CHTOP: variants seen among roughly 807,000 people sequenced by gnomAD.
CHTOP encodes the protein chromatin target of PRMT1 protein.
A neutral mutation model predicts 33.6 loss-of-function variants in CHTOP; 18 were observed. That is an observed-to-expected ratio of 0.54 (90% confidence interval 0.37 to 0.80). The LOEUF is 0.80. CHTOP is among the 30% of genes least tolerant of loss of function. The probability of loss-of-function intolerance (pLI) is 0.00; values close to 1 mark genes in which losing one functional copy is unlikely to be tolerated. For missense variants in CHTOP, 263 were observed against 336.8 expected (o/e 0.78, Z 1.71); for synonymous variants, 117 against 127.7 (o/e 0.92, Z 0.56).
intron 3 of CHTOP, among the ~76,000 whole-genome samples, chr1:153,641,234 G>A (rs534501717): frequency 3.3e-5 from 5 of 152,362 alleles, no homozygotes; most frequent in African/African-American, 7.2e-5. Context: ...AGTCACTTGT[G>A]GGTGAAGCCT....
intron 3 of CHTOP, among the ~76,000 whole-genome samples, chr1:153,640,647 T>G (rs542716896): frequency 6.6e-6 from 1 of 152,266 alleles, no homozygotes; most frequent in East Asian, 1.9e-4. Flanking sequence ...TGACAGCTCC[T>G]GTAATCCCAG....
intron 1 of CHTOP, among the ~76,000 whole-genome samples, chr1:153,634,670 C>T (rs1271954948): frequency 2.5e-5 from 1 of 39,950 alleles, no homozygotes; most frequent in Admixed American, 3.8e-4. Flanking sequence ...TTAATGGCGG[C>T]TTTAGGGTTA....
intron 1 of CHTOP, among the ~76,000 whole-genome samples, chr1:153,635,359 C>A (rs1370895522): frequency 6.8e-6 from 1 of 146,740 alleles, no homozygotes; most frequent in African/African-American, 2.5e-5. Context: ...ACCATGTTGC[C>A]CAGGCTGGTC....
chr1:153,634,527 C>CGGGATTGATGGAGGTTG (rs1668242728), intron 1 of CHTOP, 184 bp downstream of exon 1: 1 of 139,732 alleles, frequency 7.2e-6, no homozygotes, highest in Non-Finnish European at 1.6e-5. Flanking sequence ...AACCTGGTGG[C>CGGGATTGATGGAGGTTG]GGGATTGATG....
intron 2 of CHTOP, 45 bp from the exon 3 acceptor site, chr1:153,638,250 G>C (rs749430967): frequency 1.9e-6 from 3 of 1,601,528 alleles, no homozygotes; most frequent in Non-Finnish European, 2.6e-6. Context: ...ATAAATGTTT[G>C]TAATAAAGCT....
chr1:153,636,161 T>G (rs1309473650), intron 1 of CHTOP, among the ~76,000 whole-genome samples: 3 of 151,530 alleles, frequency 2.0e-5, no homozygotes, highest in Admixed American at 6.6e-5. Context: ...ACTCCTGGCT[T>G]CAAACCATCC....
At chr1:153,640,712 A>C (rs182404409) in intron 3 of CHTOP, among the ~76,000 whole-genome samples, 19 of 152,300 alleles carry the variant, frequency 1.2e-4, no homozygotes, top group Admixed American at 2.6e-4. Context: ...CGAAGGTTGC[A>C]GTGAGCCAAG....
chr1:153,640,326 A>AT (rs1312346369), intron 3 of CHTOP, among the ~76,000 whole-genome samples: 1 of 149,458 alleles, frequency 6.7e-6, no homozygotes, highest in Non-Finnish European at 1.5e-5. Context: ...AAAAAAAAAA[A>AT]GCCGGGCATG....
chr1:153,637,683 T>C (rs1340480230), intron 2 of CHTOP: 2 of 152,450 alleles, frequency 1.3e-5, no homozygotes, highest in East Asian at 3.8e-4. Flanking sequence ...GATCAGTGAT[T>C]TCATTAAGTT....
chr1:153,643,114 C>T lies in CHTOP; in HGVS notation c.404-113C>T, dbSNP rs12088509. 3,706 of 1,301,582 alleles carry T rather than the reference C, an allele frequency of 2.8e-3. 58 individuals are homozygous for T. The African/African-American group carries it at 0.037, about 13-fold the overall frequency. The allele number at this position is 1,301,582 out of a possible 1,614,324, so 80.6% of individuals were successfully genotyped here. ...ACAGTATGCAGCTTGCCCCAGCCAA[C>T]CTAAAAACTAACTGAATTACCTTCA... On this transcript the variant is annotated intron_variant, in intron 4 of 5. Transcript: ENST00000368694.
chr1:153,644,344 C>G (rs950516812), intron 5 of CHTOP: 18 of 152,154 alleles, frequency 1.2e-4, no homozygotes, highest in Admixed American at 1.0e-3. Context: ...AGAGACATCA[C>G]GAGGGTGGGA....
At chr1:153,645,041 T>A in intron 5 of CHTOP, 23 bp from the exon 6 acceptor site, 1 of 1,591,954 alleles carries the variant, frequency 6.3e-7, no homozygotes, top group South Asian at 1.1e-5. Flanking sequence ...TCTCTTTTTT[T>A]TTTTTTTTCC....
Position 153,645,061 on chromosome 1 carries a change from C to T in CHTOP, c.542-3C>T, listed in dbSNP as rs760560816. On this transcript the variant is annotated splice_polypyrimidine_tract_variant and splice_region_variant and intron_variant, in intron 5 of 5. Coordinates refer to ENST00000368694, the MANE Select transcript of CHTOP (RefSeq NM_015607.4). ...TTTTTTTTTTTTTTCCCCTTTGGGC[C>T]AGGTCGGGGTATGATAGGTCGGGGA... The T allele has an allele frequency of 1.9e-6, 3 of 1,602,394 alleles. No homozygotes were observed. Among genetic ancestry groups the T allele is most frequent in the South Asian group, 2.2e-5 (2 of 89,738 alleles).
In CHTOP at chr1:153,645,610, T is replaced by C. The variant is rs1303702155; in HGVS notation, c.*341T>C. The C allele has an allele frequency of 7.2e-6, 2 of 276,124 alleles. No homozygotes were observed. The highest frequency in any genetic ancestry group is 1.4e-5 in the Non-Finnish European group (2 of 145,760). 17.1% of individuals were successfully genotyped at this position (276,124 alleles called of 1,614,324 possible). A position where few individuals can be genotyped will look rare whatever the true frequency, so the allele number is the denominator to read the frequency against. ...CCTCTGTCTCCCCTCACTTGTCATA[T>C]GCTCTGACATGCTAACATTTCTTTT... is the stretch of plus-strand genomic sequence containing the variant. On this transcript the variant is annotated 3_prime_UTR_variant, in exon 6 of 6. Coordinates refer to ENST00000368694, the MANE Select transcript of CHTOP (RefSeq NM_015607.4).
chr1:153,642,944 C>A, intron 4 of CHTOP: 1 of 405,826 alleles, frequency 2.5e-6, no homozygotes, highest in Non-Finnish European at 4.5e-6. Context: ...TTTAAATTTA[C>A]CATAATGCTA....
At chr1:153,636,377 TCCAGCC>T (rs1251699815) in intron 1 of CHTOP, among the ~76,000 whole-genome samples, 189 bp from the exon 2 acceptor site, 1 of 143,078 alleles carries the variant, frequency 7.0e-6, no homozygotes, top group Non-Finnish European at 1.5e-5. Flanking sequence ...GCCACTGCAT[TCCAGCC>T]TGAGTGACAG....
Position 153,636,604 on chromosome 1 carries a change from G to A in CHTOP, c.16G>A (p.Ala6Thr). The change falls in exon 2 of 6, where the codon GCG (alanine) becomes ACG (threonine). Residue 6 changes from alanine (A) to threonine (T), a missense_variant. Transcript: ENST00000368694. ...GGATTCGAAGATGGCTGCACAGTCA[G>A]CGCCGAAAGTTGTGCTAAAAAGCAC... is the stretch of plus-strand genomic sequence containing the variant. MAAQSAPKVVLKSTTK... is the reference protein window; with the variant it reads MAAQSTPKVVLKSTTK... The A allele has an allele frequency of 6.2e-7, 1 of 1,613,610 alleles. No individual in the cohort carries two copies.
At chr1:153,641,871 A>G (rs986657322) in intron 3 of CHTOP, among the ~76,000 whole-genome samples, 1 of 152,226 alleles carries the variant, frequency 6.6e-6, no homozygotes, top group Non-Finnish European at 1.5e-5. Context: ...CAAGTCATAT[A>G]ATTGTCAACC....
intron 2 of CHTOP, chr1:153,637,740 T>G (rs1204327711): frequency 6.5e-6 from 1 of 152,720 alleles, no homozygotes; most frequent in East Asian, 1.9e-4. Context: ...TTGCCTCTTC[T>G]GAGGCATATG....
Sources: gnomAD v4.1 joint callset for allele counts (sites outside exome capture counted in the v4.1 genomes callset) on GRCh38, gnomAD v4.1.1 for gene constraint, MANE v1.5 for transcripts, NCBI Gene and HGNC (gene_info 2026-07-23, HGNC 2026-07-21) for gene names.